FARP2: variants seen among roughly 807,000 people sequenced by gnomAD.
The protein encoded by FARP2 is FERM, ARH/RhoGEF and pleckstrin domain protein 2.
Under a neutral mutation model 130.5 loss-of-function variants are expected in FARP2, and 111 were observed. The observed-to-expected ratio is 0.85, with a 90% CI of 0.73 to 1.00. FARP2 has a LOEUF of 1.00. FARP2 is among the 50% of genes least tolerant of loss of function. The pLI is 0.00. For missense variants in FARP2, 1,385 were observed against 1,346.3 expected, an observed-to-expected ratio of 1.03 and a Z score of -0.45; for synonymous variants, 504 against 516.9, an observed-to-expected ratio of 0.98 and a Z score of 0.34.
At chr2:241,382,347 T>C (rs1212917217) in intron 2 of FARP2, among the ~76,000 whole-genome samples, 1 of 146,384 alleles carries the variant, frequency 6.8e-6, no homozygotes, top group African/African-American at 2.5e-5. Context: ...CAGGCTGGAG[T>C]GCGGTGGTGC....
chr2:241,401,843 C>T (rs1047895725), intron 2 of FARP2, among the ~76,000 whole-genome samples: 3 of 151,296 alleles, frequency 2.0e-5, no homozygotes, highest in Non-Finnish European at 2.9e-5. Flanking sequence ...AGTGCAATGG[C>T]GCAATCTTGG....
intron 17 of FARP2, among the ~76,000 whole-genome samples, chr2:241,464,987 C>T (rs1330342033): frequency 1.3e-5 from 2 of 152,136 alleles, no homozygotes; most frequent in Non-Finnish European, 2.9e-5. Context: ...GCATACCCCT[C>T]ACAACAGGGT....
chr2:241,419,915 T>C (rs2062763798), intron 8 of FARP2, among the ~76,000 whole-genome samples: 1 of 152,166 alleles, frequency 6.6e-6, no homozygotes, highest in South Asian at 2.1e-4. Context: ...TTTGGGAGGC[T>C]AAGGTGGGCA....
rs57742699 is a variant in FARP2, at chr2:241,453,236, A to G, written c.1412-3511A>G. Among the ~76,000 whole-genome samples the G allele has an allele frequency of 0.013, 1,988 of 152,086 alleles. 117 individuals carry two copies. The East Asian group carries it at 0.2, about 16-fold the overall frequency. ...TCCCAGCTACTCAGGAGGCTGAGGCACAAGAATGGCATGAACCCAGGAAGC... is the reference window on the plus strand; with the variant it reads ...TCCCAGCTACTCAGGAGGCTGAGGCGCAAGAATGGCATGAACCCAGGAAGC... On this transcript the variant is annotated intron_variant, in intron 13 of 26. Transcript: ENST00000264042.
chr2:241,450,449 C>CCT lies in FARP2; in HGVS notation c.1412-6298_1412-6297insCT, dbSNP rs1213772826. ...TTGGGAGGCTGAGGTGGGCGGATCA[C>CCT]GAGGTCAGGAGTTCAAGACCAGCCT... is the stretch of plus-strand genomic sequence containing the variant. On this transcript the variant is annotated intron_variant, in intron 13 of 26. Transcript: ENST00000264042. 4.6e-5 allele frequency among the ~76,000 whole-genome samples: 7 copies of CCT among 151,976 alleles called. 1 individual carries two copies. Among genetic ancestry groups the CCT allele is most frequent in the Admixed American group, 4.6e-4 (7 of 15,264 alleles).
intron 22 of FARP2, among the ~76,000 whole-genome samples, chr2:241,490,549 G>C (rs1025355143): frequency 6.6e-6 from 1 of 152,190 alleles, no homozygotes; most frequent in Non-Finnish European, 1.5e-5. Context: ...CTCCTCCCCA[G>C]ATAAGATCAA....
At chr2:241,410,481 G>GA (rs2062487836) in intron 5 of FARP2, among the ~76,000 whole-genome samples, 1 of 151,342 alleles carries the variant, frequency 6.6e-6, no homozygotes, top group Non-Finnish European at 1.5e-5. Flanking sequence ...GCCTAACATG[G>GA]AGTGCAGTGG....
chr2:241,415,988 TC>T (rs1234861709), intron 7 of FARP2, among the ~76,000 whole-genome samples: 3 of 86,806 alleles, frequency 3.5e-5, no homozygotes, highest in African/African-American at 8.4e-5. Flanking sequence ...TCAGGGTAGT[TC>T]TGTGTGTGTG....
chr2:241,418,287 T>G (rs2062727343), intron 8 of FARP2, among the ~76,000 whole-genome samples, 178 bp downstream of exon 8: 1 of 152,212 alleles, frequency 6.6e-6, no homozygotes, highest in African/African-American at 2.4e-5. Flanking sequence ...AAAATTAATC[T>G]TTTGTCCTTC....
At chr2:241,443,009 G>T in intron 13 of FARP2, 1 of 197,498 alleles carries the variant, frequency 5.1e-6, no homozygotes, top group Non-Finnish European at 1.0e-5. Flanking sequence ...CCTTGAGTAT[G>T]CCTCTACAGC....
intron 2 of FARP2, among the ~76,000 whole-genome samples, chr2:241,377,843 G>A (rs2061573689): frequency 6.6e-6 from 1 of 151,990 alleles, no homozygotes; most frequent in African/African-American, 2.4e-5. Context: ...TGCCAAACCT[G>A]TGGATACAGA....
intron 7 of FARP2, 29 bp downstream of exon 7, chr2:241,413,450 A>T: frequency 1.4e-6 from 2 of 1,408,776 alleles, no homozygotes; most frequent in Non-Finnish European, 2.0e-6. Context: ...CTGTCAACAC[A>T]TTGTCACCAC....
intron 7 of FARP2, among the ~76,000 whole-genome samples, chr2:241,414,487 G>A (rs1158207076): frequency 6.6e-6 from 1 of 152,218 alleles, no homozygotes; most frequent in South Asian, 2.1e-4. Context: ...GCTGGCAGCT[G>A]CCCTTTCACA....
chr2:241,409,852 C>T (rs60538480), intron 5 of FARP2, among the ~76,000 whole-genome samples: 5,185 of 152,142 alleles, frequency 0.034, 282 homozygotes, highest in African/African-American at 0.12. Flanking sequence ...ATCCATATTT[C>T]CAATATTTCT....
intron 8 of FARP2, among the ~76,000 whole-genome samples, chr2:241,427,238 A>AACAC (rs372290870): frequency 3.9e-4 from 59 of 151,786 alleles, no homozygotes; most frequent in Non-Finnish European, 6.9e-4. Context: ...TCTGTCTCAA[A>AACAC]ACACACACAC....
intron 18 of FARP2, among the ~76,000 whole-genome samples, chr2:241,471,973 G>T (rs2064329379): frequency 6.9e-6 from 1 of 144,256 alleles, no homozygotes; most frequent in Admixed American, 8.6e-5. Flanking sequence ...CCTGTTGTGA[G>T]CAGGAGGCTG....
rs574323822 is a variant in FARP2 at position 241,411,204 on chromosome 2, A to G, written c.508+74A>G. On this transcript the variant is annotated intron_variant, in intron 6 of 26. Transcript: ENST00000264042. Reference sequence around the variant, plus strand: ...TATACCCGCACTCAGAACTACAATTAGTTGCTGATGTATTTGCCTAGTTAG... The same window carrying G: ...TATACCCGCACTCAGAACTACAATTGGTTGCTGATGTATTTGCCTAGTTAG... The G allele has an allele frequency of 3.9e-6, 4 of 1,017,796 alleles. No individual in the cohort carries two copies. The African/African-American group carries it at 6.4e-5, about 16-fold the overall frequency. The allele number at this position is 1,017,796 out of a possible 1,614,324, so 63.0% of individuals were successfully genotyped here.
chr2:241,416,297 G>C (rs2062670126), intron 7 of FARP2, among the ~76,000 whole-genome samples: 1 of 152,068 alleles, frequency 6.6e-6, no homozygotes, highest in Non-Finnish European at 1.5e-5. Flanking sequence ...TGAGCCATGT[G>C]GTCTGCTTCA....
chr2:241,377,333 CT>C (rs1258121395), intron 2 of FARP2, among the ~76,000 whole-genome samples: 11,008 of 129,598 alleles, frequency 0.085, 687 homozygotes, highest in African/African-American at 0.2. Flanking sequence ...TTGTTGGTTT[CT>C]TTTTTTTTTT....
Sources: allele counts gnomAD v4.1 joint callset (sites outside exome capture counted in the v4.1 genomes callset), GRCh38; gene constraint gnomAD v4.1.1; transcripts MANE v1.5; gene names NCBI Gene and HGNC (gene_info 2026-07-23, HGNC 2026-07-21).